Variants in CNTNAP2 observed in about 807,000 individuals in gnomAD.
CNTNAP2 encodes contactin-associated protein-like 2.
Under a neutral mutation model 155.2 loss-of-function variants are expected in CNTNAP2, and 98 were observed. The ratio of observed to expected loss-of-function variants is 0.63; its 90% CI spans 0.54 to 0.75. The LOEUF is 0.75. Among genes scored for constraint, CNTNAP2 ranks in the 30% least tolerant of loss-of-function variants. The pLI is 0.00. For synonymous variants in CNTNAP2, 651 were observed against 631.2 expected (o/e 1.03, Z -0.47); for missense variants, 1,727 against 1,688.1 (o/e 1.02, Z -0.40).
At chr7:146,733,827 C>T (rs1356952185) in intron 1 of CNTNAP2, among the ~76,000 whole-genome samples, 2 of 152,064 alleles carry the variant, frequency 1.3e-5, no homozygotes, top group Admixed American at 6.5e-5. Context: ...AGAGAAGAGG[C>T]TTTCATTTCC....
intron 1 of CNTNAP2, among the ~76,000 whole-genome samples, chr7:146,185,081 C>T (rs750387081): frequency 3.3e-5 from 5 of 152,086 alleles, no homozygotes; most frequent in Middle Eastern, 3.2e-3. Flanking sequence ...ATTAATATTA[C>T]GTCCAGTGGT....
chr7:146,157,086 T>C (rs774938518), intron 1 of CNTNAP2, among the ~76,000 whole-genome samples: 4 of 152,154 alleles, frequency 2.6e-5, no homozygotes, highest in Non-Finnish European at 5.9e-5. Flanking sequence ...TATGTATGAT[T>C]CCTCAATCTA....
chr7:146,190,646 C>A (rs574617702), intron 1 of CNTNAP2, among the ~76,000 whole-genome samples: 1 of 152,240 alleles, frequency 6.6e-6, no homozygotes, highest in South Asian at 2.1e-4. Context: ...ACATAAGAAG[C>A]ATTCTCAAAA....
chr7:147,200,019 G>A (rs1181261752), intron 8 of CNTNAP2, among the ~76,000 whole-genome samples: 1 of 152,018 alleles, frequency 6.6e-6, no homozygotes, highest in Non-Finnish European at 1.5e-5. Context: ...CAACCATGAA[G>A]TGGGTTGAGT....
In CNTNAP2 at chr7:147,237,367, C is replaced by A. The variant is rs117944904; in HGVS notation, c.1349-62774C>A. Among the ~76,000 whole-genome samples the A allele has an allele frequency of 1.8e-3, 274 of 152,240 alleles. 1 individual carries two copies. Among genetic ancestry groups the A allele is most frequent in the Admixed American group, 3.0e-3 (46 of 15,302 alleles). Reference sequence around the variant, plus strand: ...GGATTACAGGTGTGAGCCACTGTGCCTAGCCTAGCCTTCACCTCTTGAATT... The same window carrying A: ...GGATTACAGGTGTGAGCCACTGTGCATAGCCTAGCCTTCACCTCTTGAATT... On this transcript the variant is annotated intron_variant, in intron 8 of 23. Transcript: ENST00000361727.
At chr7:146,609,184 C>T (rs560380086) in intron 1 of CNTNAP2, among the ~76,000 whole-genome samples, 3 of 152,172 alleles carry the variant, frequency 2.0e-5, no homozygotes, top group Non-Finnish European at 2.9e-5. Flanking sequence ...GTTAGAGTTT[C>T]ATCAAAAAGC....
At chr7:146,955,047 A>G (rs1439768446) in intron 3 of CNTNAP2, among the ~76,000 whole-genome samples, 1 of 152,022 alleles carries the variant, frequency 6.6e-6, no homozygotes, top group Non-Finnish European at 1.5e-5. Context: ...CTCCTATGAC[A>G]TGTCAAACAA....
intron 1 of CNTNAP2, among the ~76,000 whole-genome samples, chr7:146,117,563 A>G (rs1244386285): frequency 1.3e-5 from 2 of 152,212 alleles, no homozygotes; most frequent in African/African-American, 4.8e-5. Flanking sequence ...TATCATGGAT[A>G]TGACTGATGC....
chr7:147,975,058 C>T (rs1054631990), intron 14 of CNTNAP2, among the ~76,000 whole-genome samples: 2 of 150,310 alleles, frequency 1.3e-5, no homozygotes, highest in African/African-American at 4.9e-5. Flanking sequence ...ACGTATAATA[C>T]AATTTTTTGT....
At chr7:146,952,077 G>A (rs143903208) in intron 3 of CNTNAP2, among the ~76,000 whole-genome samples, 1,964 of 151,968 alleles carry the variant, frequency 0.013, 33 homozygotes, top group African/African-American at 0.043. Flanking sequence ...AAACTTATCC[G>A]CCATGATGAA....
chr7:148,014,090 A>T (rs1023087801), intron 15 of CNTNAP2: 1 of 152,114 alleles, frequency 6.6e-6, no homozygotes, highest in Non-Finnish European at 1.5e-5. Flanking sequence ...AAGATATTGG[A>T]GTCCTCATTT....
chr7:146,387,759 A>G (rs1027591427), intron 1 of CNTNAP2, among the ~76,000 whole-genome samples: 5 of 152,104 alleles, frequency 3.3e-5, no homozygotes, highest in African/African-American at 7.2e-5. Context: ...ATGAGGCCTC[A>G]ACCTCCTGGG....
intron 1 of CNTNAP2, among the ~76,000 whole-genome samples, chr7:146,647,129 C>T (rs1394747223): frequency 6.6e-6 from 1 of 152,104 alleles, no homozygotes; most frequent in Non-Finnish European, 1.5e-5. Context: ...TAACAAGAGG[C>T]AGGTAAATCC....
chr7:146,812,444 A>AT (rs202142334), intron 2 of CNTNAP2, among the ~76,000 whole-genome samples: 8,087 of 145,276 alleles, frequency 0.056, 749 homozygotes, highest in African/African-American at 0.19. Context: ...TATATATAAA[A>AT]AATATATATA....
chr7:146,244,984 G>A (rs960852836), intron 1 of CNTNAP2, among the ~76,000 whole-genome samples: 22 of 152,120 alleles, frequency 1.4e-4, no homozygotes, highest in Non-Finnish European at 1.8e-4. Flanking sequence ...TAGTAGAATA[G>A]CAGATGGAAC....
intron 15 of CNTNAP2, among the ~76,000 whole-genome samples, chr7:147,995,430 A>T (rs1801785786): frequency 6.6e-6 from 1 of 152,050 alleles, no homozygotes; most frequent in Admixed American, 6.6e-5. Context: ...AAGATGTGGG[A>T]ACATCCAGAT....
intron 1 of CNTNAP2, among the ~76,000 whole-genome samples, chr7:146,386,708 G>C (rs916211119): frequency 6.6e-6 from 1 of 152,092 alleles, no homozygotes. Flanking sequence ...CATATAACTT[G>C]TTATTGTCTT....
At chr7:146,588,817 A>G (rs1432316659) in intron 1 of CNTNAP2, among the ~76,000 whole-genome samples, 1 of 152,116 alleles carries the variant, frequency 6.6e-6, no homozygotes, top group African/African-American at 2.4e-5. Context: ...CCCACATATG[A>G]AATTTTGAAC....
chr7:146,318,708 A>G (rs1181965053), intron 1 of CNTNAP2, among the ~76,000 whole-genome samples: 1 of 151,996 alleles, frequency 6.6e-6, no homozygotes, highest in African/African-American at 2.4e-5. Flanking sequence ...CTTCACCATT[A>G]CTCCTCAAAT....
Sources: gnomAD v4.1 joint callset for allele counts (sites outside exome capture counted in the v4.1 genomes callset) on GRCh38, gnomAD v4.1.1 for gene constraint, MANE v1.5 for transcripts, NCBI Gene and HGNC (gene_info 2026-07-23, HGNC 2026-07-21) for gene names.